The following ENPP6 variants were observed in gnomAD, a reference collection of about 807,000 sequenced individuals.
ENPP6 encodes the protein glycerophosphocholine cholinephosphodiesterase ENPP6.
ENPP6 carries 32 observed loss-of-function variants against 42.0 expected under a neutral mutation model. That is an observed-to-expected ratio of 0.76 (90% CI 0.58 to 1.02). The LOEUF (loss-of-function observed/expected upper bound fraction) is 1.02. Ranked by LOEUF, ENPP6 falls within the 50% of genes least tolerant of loss-of-function variation. The pLI is 0.00. For synonymous variants in ENPP6, 213 were observed against 216.0 expected, an observed-to-expected ratio of 0.99 and a Z score of 0.12; for missense variants, 552 against 566.8, an observed-to-expected ratio of 0.97 and a Z score of 0.27.
Position 184,107,604 on chromosome 4 carries a change from G to A in ENPP6, c.993+5068C>T, listed in dbSNP as rs1406066774. Among the ~76,000 whole-genome samples the A allele has an allele frequency of 4.6e-5, 7 of 152,164 alleles. No homozygotes were observed. The South Asian group carries it at 1.2e-3, about 27-fold the overall frequency. ...AGCCTGGCCAATATGGTGAAACCCC[G>A]TCTCTACTAAAAATAGAAAAATTAG... On this transcript the variant is annotated intron_variant, in intron 6 of 7. Coordinates refer to ENST00000296741, the MANE Select transcript of ENPP6 (RefSeq NM_153343.4).
At chr4:184,165,175 G>A (rs756871685) in intron 1 of ENPP6, among the ~76,000 whole-genome samples, 12 of 152,262 alleles carry the variant, frequency 7.9e-5, no homozygotes, top group East Asian at 7.7e-4. Flanking sequence ...TCGATTTTCT[G>A]GACACTTACT....
At chr4:184,182,684 GA>G (rs1732571627) in intron 1 of ENPP6, among the ~76,000 whole-genome samples, 1 of 152,138 alleles carries the variant, frequency 6.6e-6, no homozygotes, top group Admixed American at 6.5e-5. Context: ...CCATAAAAAA[GA>G]ATGAGATTTT....
At chr4:184,196,258 A>G (rs1561008113) in intron 1 of ENPP6, among the ~76,000 whole-genome samples, 1 of 152,238 alleles carries the variant, frequency 6.6e-6, no homozygotes, top group Non-Finnish European at 1.5e-5. Flanking sequence ...ACACTCTCAG[A>G]AATGAGCTGT....
chr4:184,143,051 CA>C (rs988301135), intron 2 of ENPP6, among the ~76,000 whole-genome samples: 2 of 152,220 alleles, frequency 1.3e-5, no homozygotes, highest in Non-Finnish European at 2.9e-5. Flanking sequence ...ATGCTTCCCA[CA>C]AAGGAAGCCC....
chr4:184,119,687 C>T (rs1414145540), intron 3 of ENPP6, among the ~76,000 whole-genome samples: 1 of 152,066 alleles, frequency 6.6e-6, no homozygotes, highest in African/African-American at 2.4e-5. Flanking sequence ...TCCCATAGTC[C>T]CCATGTGTTG....
chr4:184,108,949 G>A (rs1163212297), intron 6 of ENPP6, among the ~76,000 whole-genome samples: 7 of 152,212 alleles, frequency 4.6e-5, no homozygotes, highest in Non-Finnish European at 8.8e-5. Context: ...AGTGGCTCAC[G>A]CCTGTCATCC....
At chr4:184,171,791 T>TG (rs1737466097) in intron 1 of ENPP6, among the ~76,000 whole-genome samples, 1 of 151,954 alleles carries the variant, frequency 6.6e-6, no homozygotes, top group Non-Finnish European at 1.5e-5. Context: ...ACATTGATTT[T>TG]TTTTTTTAAA....
chr4:184,201,977 T>C (rs928911742), intron 1 of ENPP6, among the ~76,000 whole-genome samples: 5 of 152,142 alleles, frequency 3.3e-5, no homozygotes, highest in African/African-American at 1.2e-4. Flanking sequence ...CCGTGAGAAA[T>C]ATTCTCTACC....
chr4:184,150,698 G>A (rs1358186261), intron 2 of ENPP6, among the ~76,000 whole-genome samples: 13 of 152,208 alleles, frequency 8.5e-5, no homozygotes, highest in Non-Finnish European at 2.9e-5. Flanking sequence ...TTTCATTTGA[G>A]TATCCAGTTT....
chr4:184,212,125 C>G (rs1444078921), intron 1 of ENPP6, among the ~76,000 whole-genome samples: 1 of 151,842 alleles, frequency 6.6e-6, no homozygotes, highest in Non-Finnish European at 1.5e-5. Context: ...AACCCACAGC[C>G]AATATCATAC....
chr4:184,201,908 A>C (rs568888569), intron 1 of ENPP6, among the ~76,000 whole-genome samples: 1 of 152,162 alleles, frequency 6.6e-6, no homozygotes, highest in Non-Finnish European at 1.5e-5. Flanking sequence ...TCTGGGAAGT[A>C]TATGACAAAA....
chr4:184,142,521 G>A (rs1157510425), intron 2 of ENPP6, among the ~76,000 whole-genome samples: 2 of 152,192 alleles, frequency 1.3e-5, no homozygotes, highest in African/African-American at 4.8e-5. Context: ...GACGTTTGGC[G>A]GTGGCTCCCT....
At position 184,117,917 on chromosome 4, in the gene ENPP6, G is replaced by A. The variant is rs763747839; in HGVS notation, c.534-17C>T. 2.5e-6 allele frequency: 4 copies of A among 1,612,782 alleles called. No individual in the cohort carries two copies. The highest frequency in any genetic ancestry group is 3.4e-6 in the Non-Finnish European group (4 of 1,179,468). ...CGGCCACTCCTGGAGGGACAGAGGA[G>A]AGAGGCATAGGTGAGGGAGGCCCCC... On this transcript the variant is annotated splice_polypyrimidine_tract_variant and intron_variant, in intron 3 of 7. Transcript: ENST00000296741.
chr4:184,090,752 G>T lies in ENPP6; in HGVS notation c.*425C>A, dbSNP rs1251559193. On this transcript the variant is annotated 3_prime_UTR_variant, in exon 8 of 8. Transcript: ENST00000296741. Reference sequence around the variant, plus strand: ...GATTGTGGCCACAGACACTGAGGATGGCTCCTGGGTGTGGACAGGGCACAG... The same window carrying T: ...GATTGTGGCCACAGACACTGAGGATTGCTCCTGGGTGTGGACAGGGCACAG... 9 of 340,814 alleles carry T rather than the reference G, an allele frequency of 2.6e-5. No homozygotes were observed. The highest frequency in any genetic ancestry group is 4.8e-5 in the Non-Finnish European group (9 of 188,966). The allele number at this position is 340,814 out of a possible 1,614,324, so 21.1% of individuals were successfully genotyped here.
At chr4:184,147,553 A>G (rs568987320) in intron 2 of ENPP6, among the ~76,000 whole-genome samples, 3 of 152,242 alleles carry the variant, frequency 2.0e-5, no homozygotes, top group Admixed American at 1.3e-4. Context: ...GGTTGAGGTA[A>G]GAGGATTGCT....
In ENPP6 at chr4:184,215,174, G is replaced by A. The variant is rs573144810; in HGVS notation, c.241+2405C>T. Among the ~76,000 whole-genome samples the A allele has an allele frequency of 7.4e-4, 113 of 152,208 alleles. 1 individual carries two copies. The highest frequency in any genetic ancestry group is 5.4e-3 in the South Asian group (26 of 4,830). ...TCTTTCCAACAACTCATCACTCCTC[G>A]TTATGCAAAGGGAAGAACACCAAGG... On this transcript the variant is annotated intron_variant, in intron 1 of 7. Transcript: ENST00000296741.
intron 1 of ENPP6, among the ~76,000 whole-genome samples, chr4:184,210,372 A>G (rs1733087972): frequency 7.7e-6 from 1 of 129,336 alleles, no homozygotes; most frequent in African/African-American, 3.1e-5. Context: ...CATAGGCTCA[A>G]AATAAAAGGA....
intron 1 of ENPP6, among the ~76,000 whole-genome samples, chr4:184,194,044 C>A (rs370959271): frequency 6.6e-5 from 10 of 152,168 alleles, no homozygotes; most frequent in Non-Finnish European, 1.2e-4. Flanking sequence ...TTCCTTGTCT[C>A]CTTTGATACC....
In ENPP6 at chr4:184,098,826, C is replaced by T. The variant is rs182045448; in HGVS notation, c.994-1458G>A. ...CTTCTAAGACCTCGCCAAGGACGAA[C>T]GGCCCATCCTTGCTAGGCAGGTTTC... On this transcript the variant is annotated intron_variant, in intron 6 of 7. Coordinates refer to ENST00000296741, the MANE Select transcript of ENPP6 (RefSeq NM_153343.4). 2.9e-4 allele frequency among the ~76,000 whole-genome samples: 44 copies of T among 152,306 alleles called. No homozygotes were observed. In the East Asian group the frequency reaches 6.2e-3, roughly 21 times the overall value.
Sources: gnomAD v4.1 joint callset for allele counts (sites outside exome capture counted in the v4.1 genomes callset) on GRCh38, gnomAD v4.1.1 for gene constraint, MANE v1.5 for transcripts, NCBI Gene and HGNC (gene_info 2026-07-23, HGNC 2026-07-21) for gene names.